RAG1: variants seen among roughly 807,000 people sequenced by gnomAD.
RAG1 encodes V(D)J recombination-activating protein 1.
In RAG1, 35 loss-of-function variants were observed where a neutral mutation model predicts 62.7. The ratio of observed to expected loss-of-function variants is 0.56; its 90% CI spans 0.43 to 0.74. RAG1 has a LOEUF of 0.74. RAG1 is among the 30% of genes least tolerant of loss of function. The pLI, the probability that RAG1 is intolerant of heterozygous loss-of-function variation, is 0.00. For synonymous variants in RAG1, 461 were observed against 470.3 expected, an observed-to-expected ratio of 0.98 and a Z score of 0.26; for missense variants, 1,169 against 1,278.6, an observed-to-expected ratio of 0.91 and a Z score of 1.31.
In RAG1 at chr11:36,576,275, C is replaced by G; in HGVS notation, c.2971C>G (p.Leu991Val). ...CAAATGCTATGAGATGGAAGATGTC[C>G]TGAAACACCACTGGTTGTACACCTC... ...QSKCYEMEDV[L>V]KHHWLYTSKY... is the part of the protein sequence containing the mutation. The change falls in exon 2 of 2, where the codon CTG becomes GTG. Residue 991 changes from leucine to valine, a missense_variant. Coordinates refer to ENST00000299440, the MANE Select transcript of RAG1 (RefSeq NM_000448.3). 3.7e-6 allele frequency: 6 copies of G among 1,614,034 alleles called. No homozygotes were observed. Among genetic ancestry groups the G allele is most frequent in the Non-Finnish European group, 5.1e-6 (6 of 1,180,018 alleles).
intron 2 of RAG1, among the ~76,000 whole-genome samples, chr11:36,526,950 T>C (rs1023928363): frequency 2.6e-5 from 4 of 152,230 alleles, no homozygotes; most frequent in African/African-American, 7.2e-5. Flanking sequence ...TTCTTGTAAA[T>C]TTGTTTAAGT....
chr11:36,573,159 G>A, intron 1 of RAG1, 132 bp from the exon 2 acceptor site: 1 of 916,262 alleles, frequency 1.1e-6, no homozygotes. Context: ...GATATATTAA[G>A]GTAGAAGATT....
At chr11:36,568,642 C>A (rs775611038) in intron 1 of RAG1, among the ~76,000 whole-genome samples, 3 of 152,226 alleles carry the variant, frequency 2.0e-5, no homozygotes, top group African/African-American at 4.8e-5. Flanking sequence ...CCTTCCCAAA[C>A]AGCCAGACTC....
In RAG1 at chr11:36,574,111, C is replaced by T; in HGVS notation, c.807C>T (p.Cys269=). ...SKDVMKKIAN[C]SKIHLSTKLL... is the part of the protein sequence containing the mutation. ...ATGTCATGAAGAAGATCGCCAACTG[C>T]AGTAAGATACATCTTAGTACCAAGC... Residue 269 remains cysteine (C), a synonymous_variant, in exon 2 of 2, where the codon TGC becomes TGT. Coordinates refer to ENST00000299440, the MANE Select transcript of RAG1 (RefSeq NM_000448.3). 1 of 1,614,206 alleles carries T rather than the reference C, an allele frequency of 6.2e-7. No homozygotes were observed. The highest frequency in any genetic ancestry group is 8.5e-7 in the Non-Finnish European group (1 of 1,180,038).
chr11:36,546,267 G>A (rs1850391312), intron 3 of RAG1, among the ~76,000 whole-genome samples: 1 of 152,174 alleles, frequency 6.6e-6, no homozygotes, highest in Non-Finnish European at 1.5e-5. Flanking sequence ...CTCCTGTATT[G>A]ACTGCATATA....
intron 2 of RAG1, among the ~76,000 whole-genome samples, chr11:36,525,098 C>T (rs1007785692): frequency 1.3e-5 from 2 of 150,676 alleles, no homozygotes; most frequent in African/African-American, 4.9e-5. Context: ...CTCTTTCTGT[C>T]TCTTTTTCCT....
At chr11:36,534,854 G>A (rs866097066) in intron 2 of RAG1, among the ~76,000 whole-genome samples, 1 of 151,952 alleles carries the variant, frequency 6.6e-6, no homozygotes, top group Non-Finnish European at 1.5e-5. Context: ...GTCTATCAAT[G>A]TACATTTTCA....
rs536013199 is a variant in RAG1, at chr11:36,521,045, C to T, written n.428+816C>T. Reference sequence around the variant, plus strand: ...CATGATCTTGGCTCACTGCAACCTCCGCCTCCTGGGTTCAAGTGATTCCCC... The same window carrying T: ...CATGATCTTGGCTCACTGCAACCTCTGCCTCCTGGGTTCAAGTGATTCCCC... On this transcript the variant is annotated intron_variant and non_coding_transcript_variant, in intron 2 of 2. Coordinates refer to the RAG1 transcript ENST00000529126. 3.8e-3 allele frequency among the ~76,000 whole-genome samples: 569 copies of T among 151,570 alleles called. 4 individuals carry two copies. The highest frequency in any genetic ancestry group is 0.013 in the African/African-American group (554 of 41,280).
chr11:36,530,339 CT>C (rs755292157), intron 2 of RAG1, among the ~76,000 whole-genome samples: 74 of 151,792 alleles, frequency 4.9e-4, no homozygotes, highest in Non-Finnish European at 7.4e-5. Context: ...TTCTGCTCCT[CT>C]TTTTATTACT....
At chr11:36,529,622 T>C (rs1860220471) in intron 2 of RAG1, among the ~76,000 whole-genome samples, 1 of 152,088 alleles carries the variant, frequency 6.6e-6, no homozygotes, top group Non-Finnish European at 1.5e-5. Flanking sequence ...CTATTCAATA[T>C]GGTATTGGAA....
intron 2 of RAG1, among the ~76,000 whole-genome samples, chr11:36,528,407 G>A (rs562543232): frequency 3.3e-5 from 5 of 152,202 alleles, no homozygotes; most frequent in Admixed American, 6.5e-5. Flanking sequence ...GGTACGTAAC[G>A]AAATGAAGGC....
chr11:36,549,002 G>C (rs1397886132), intron 3 of RAG1, among the ~76,000 whole-genome samples: 2 of 152,084 alleles, frequency 1.3e-5, no homozygotes, highest in Non-Finnish European at 2.9e-5. Flanking sequence ...TGACAAACCT[G>C]ACAAAAACAA....
At chr11:36,561,657 T>A (rs1850586021) in intron 3 of RAG1, among the ~76,000 whole-genome samples, 1 of 152,152 alleles carries the variant, frequency 6.6e-6, no homozygotes, top group South Asian at 2.1e-4. Context: ...AAGGGTAAAT[T>A]TTTTTCTCTT....
At chr11:36,524,440 T>C (rs1860127662) in intron 2 of RAG1, among the ~76,000 whole-genome samples, 1 of 151,794 alleles carries the variant, frequency 6.6e-6, no homozygotes, top group East Asian at 1.9e-4. Flanking sequence ...TTTAGCTTTA[T>C]TTTAGACATC....
At position 36,573,675 on chromosome 11, in the gene RAG1, A is replaced by G; in HGVS notation, c.371A>G (p.Asn124Ser). Residue 124 changes from asparagine (N) to serine (S), a missense_variant, in exon 2 of 2, where the codon AAC becomes AGC. Transcript: ENST00000299440. ...CGNSFRADEH[N>S]RRYPVHGPVD... ...AATTCTTTTAGAGCTGATGAGCACA[A>G]CAGGAGATATCCAGTCCATGGTCCT... 1 of 1,614,182 alleles carries G rather than the reference A, an allele frequency of 6.2e-7. No individual in the cohort carries two copies. The highest frequency in any genetic ancestry group is 8.5e-7 in the Non-Finnish European group (1 of 1,180,032).
intron 3 of RAG1, among the ~76,000 whole-genome samples, chr11:36,549,730 G>A (rs1850454636): frequency 1.3e-5 from 2 of 152,170 alleles, no homozygotes; most frequent in Admixed American, 1.3e-4. Flanking sequence ...TCCAGAACCA[G>A]AAATACCATT....
intron 3 of RAG1, among the ~76,000 whole-genome samples, chr11:36,562,770 A>C (rs1298801129): frequency 6.6e-6 from 1 of 152,182 alleles, no homozygotes; most frequent in Non-Finnish European, 1.5e-5. Flanking sequence ...AAGAAAATAT[A>C]TATTTTCATG....
intron 3 of RAG1, among the ~76,000 whole-genome samples, chr11:36,551,437 T>C (rs2133274659): frequency 6.6e-6 from 1 of 152,086 alleles, no homozygotes; most frequent in South Asian, 2.1e-4. Context: ...TTAGTGGAAT[T>C]GGTTTCTCTG....
At chr11:36,519,183 G>A (rs1441389395) in intron 1 of RAG1, among the ~76,000 whole-genome samples, 1 of 152,060 alleles carries the variant, frequency 6.6e-6, no homozygotes, top group Non-Finnish European at 1.5e-5. Context: ...TTCTGCACCA[G>A]TAAGGTAGGG....
Sources: gnomAD v4.1 joint callset for allele counts (sites outside exome capture counted in the v4.1 genomes callset) on GRCh38, gnomAD v4.1.1 for gene constraint, MANE v1.5 for transcripts, NCBI Gene and HGNC (gene_info 2026-07-23, HGNC 2026-07-21) for gene names.